The following TYW1B variants were observed in gnomAD, a reference collection of about 807,000 sequenced individuals.
TYW1B encodes tRNA-yW synthesizing protein 1 homolog B.
In TYW1B, 73 loss-of-function variants were observed where a neutral mutation model predicts 86.9. The ratio of observed to expected loss-of-function variants is 0.84; its 90% CI spans 0.70 to 1.02. TYW1B has a LOEUF of 1.02. TYW1B is among the 50% of genes least tolerant of loss of function. The pLI, the probability that TYW1B is intolerant of heterozygous loss-of-function variation, is 0.00. For missense variants in TYW1B, 637 were observed against 827.4 expected (o/e 0.77, Z 2.82); for synonymous variants, 248 against 292.8 (o/e 0.85, Z 1.56).
intron 7 of TYW1B, among the ~76,000 whole-genome samples, chr7:72,773,555 A>G (rs1234098098): frequency 1.3e-5 from 2 of 152,136 alleles, no homozygotes; most frequent in Non-Finnish European, 2.9e-5. Flanking sequence ...TGGGGAGACA[A>G]AGGTGGCTAC....
At position 72,731,840 on chromosome 7, in the gene TYW1B, G is replaced by A. The variant is rs183815489; in HGVS notation, c.1083-2909C>T. Among the ~76,000 whole-genome samples the A allele has an allele frequency of 2.7e-3, 411 of 152,244 alleles. 1 individual carries two copies. Among genetic ancestry groups the A allele is most frequent in the African/African-American group, 8.9e-3 (371 of 41,540 alleles). ...ACCTGTAATCCCAGCTACTTAGGAG[G>A]ATGAGGCAGGAGAATTGCTTGAACC... On this transcript the variant is annotated intron_variant, in intron 8 of 13. Coordinates refer to ENST00000620995, the MANE Select transcript of TYW1B (RefSeq NM_001145440.3).
chr7:72,751,140 C>T (rs921274836), intron 7 of TYW1B, among the ~76,000 whole-genome samples: 4 of 151,734 alleles, frequency 2.6e-5, no homozygotes, highest in Non-Finnish European at 5.9e-5. Flanking sequence ...TGGGTTCAAG[C>T]AATTCTCCTA....
chr7:72,667,821 T>C (rs1293285864), intron 11 of TYW1B, among the ~76,000 whole-genome samples: 1 of 152,216 alleles, frequency 6.6e-6, no homozygotes, highest in Admixed American at 6.5e-5. Context: ...CCTATACTCT[T>C]CAGGCAATCT....
chr7:72,729,066 G>C, intron 8 of TYW1B, 135 bp from the exon 9 acceptor site: 1 of 726,698 alleles, frequency 1.4e-6, no homozygotes, highest in South Asian at 1.9e-5. Context: ...ACCACGTATA[G>C]TGGTATTTTC....
At position 72,697,031 on chromosome 7, in the gene TYW1B, TAAAA is replaced by T. The variant is rs781801843; in HGVS notation, c.1371-2213_1371-2210del. On this transcript the variant is annotated intron_variant, in intron 10 of 13. Coordinates refer to ENST00000620995, the MANE Select transcript of TYW1B (RefSeq NM_001145440.3). ...ATGCTTCCTTAACTGGATTTCTACT[TAAAA>T]AAAAAAAAAAAAAAAAAAAAAAAAA... Among the ~76,000 whole-genome samples the T allele has an allele frequency of 3.4e-3, 474 of 137,620 alleles. 4 individuals carry two copies. The highest frequency in any genetic ancestry group is 0.012 in the African/African-American group (435 of 35,994). 90.3% of individuals were successfully genotyped at this position (137,620 alleles called of 152,430 possible). A position where few individuals can be genotyped will look rare whatever the true frequency, so the allele number is the denominator to read the frequency against.
chr7:72,676,054 T>C (rs1419025041), intron 11 of TYW1B, among the ~76,000 whole-genome samples: 2 of 152,190 alleles, frequency 1.3e-5, no homozygotes, highest in Non-Finnish European at 2.9e-5. Context: ...GAAACGGTTA[T>C]GGTTAACAAA....
intron 8 of TYW1B, among the ~76,000 whole-genome samples, chr7:72,733,456 A>T (rs1787147745): frequency 6.6e-6 from 1 of 152,100 alleles, no homozygotes; most frequent in Admixed American, 6.6e-5. Flanking sequence ...TCAGGAGATC[A>T]AGACCATCCT....
At chr7:72,636,884 T>C (rs1812679542) in intron 11 of TYW1B, among the ~76,000 whole-genome samples, 1 of 152,164 alleles carries the variant, frequency 6.6e-6, no homozygotes, top group Non-Finnish European at 1.5e-5. Context: ...TTGGTATAAA[T>C]ATTCTGAACT....
intron 13 of TYW1B, among the ~76,000 whole-genome samples, chr7:72,592,355 T>G (rs1233073856): frequency 2.6e-5 from 4 of 152,050 alleles, no homozygotes; most frequent in Non-Finnish European, 5.9e-5. Context: ...TTTAGAATGT[T>G]AAATGCAATG....
At chr7:72,730,296 G>A (rs1324667883) in intron 8 of TYW1B, among the ~76,000 whole-genome samples, 2 of 151,554 alleles carry the variant, frequency 1.3e-5, no homozygotes, top group East Asian at 3.9e-4. Context: ...AAACTCAAGA[G>A]AGATACAAGA....
At chr7:72,744,408 C>A in intron 8 of TYW1B, 76 bp downstream of exon 8, 1 of 1,410,898 alleles carries the variant, frequency 7.1e-7, no homozygotes, top group South Asian at 1.2e-5. Context: ...TTGGGTAAGT[C>A]TGAGTGTGAG....
chr7:72,700,077 AAC>A (rs1814425181), intron 10 of TYW1B, among the ~76,000 whole-genome samples: 1 of 151,774 alleles, frequency 6.6e-6, no homozygotes, highest in African/African-American at 2.4e-5. Context: ...AAAATTCTGA[AAC>A]ACTTTTGGGC....
At position 72,769,952 on chromosome 7, in the gene TYW1B, C is replaced by T. The variant is rs187600861; in HGVS notation, c.964+7464G>A. Among the ~76,000 whole-genome samples, 155 of 152,100 alleles carry T rather than the reference C, an allele frequency of 1.0e-3. 1 individual carries two copies. Among genetic ancestry groups the T allele is most frequent in the African/African-American group, 3.4e-3 (142 of 41,500 alleles). Reference sequence around the variant, plus strand: ...AAACTTAGCTGGGCGTGTTGGCACACGCTTGTAATCCCACTTACTCAGGAG... The same window carrying T: ...AAACTTAGCTGGGCGTGTTGGCACATGCTTGTAATCCCACTTACTCAGGAG... On this transcript the variant is annotated intron_variant, in intron 7 of 13. Coordinates refer to ENST00000620995, the MANE Select transcript of TYW1B (RefSeq NM_001145440.3).
chr7:72,616,634 T>A (rs782153497), intron 13 of TYW1B, 38 bp downstream of exon 13: 9 of 1,613,686 alleles, frequency 5.6e-6, no homozygotes, highest in Non-Finnish European at 6.8e-6. Flanking sequence ...AACAGCAGGG[T>A]CAGGGAACAG....
chr7:72,773,757 A>G (rs2129571956), intron 7 of TYW1B, among the ~76,000 whole-genome samples: 1 of 152,282 alleles, frequency 6.6e-6, no homozygotes, highest in East Asian at 1.9e-4. Flanking sequence ...ACTTGAAGAC[A>G]CAGTGATAGA....
At chr7:72,704,236 C>T (rs1269324025) in intron 10 of TYW1B, among the ~76,000 whole-genome samples, 2 of 151,846 alleles carry the variant, frequency 1.3e-5, no homozygotes, top group Non-Finnish European at 2.9e-5. Context: ...GCATTTGAGA[C>T]CAGCCTGGCT....
chr7:72,638,999 T>A (rs1419375755), intron 11 of TYW1B, among the ~76,000 whole-genome samples: 2 of 152,204 alleles, frequency 1.3e-5, no homozygotes, highest in Non-Finnish European at 2.9e-5. Flanking sequence ...ATGACCCACC[T>A]TCTTCCACAA....
intron 13 of TYW1B, among the ~76,000 whole-genome samples, chr7:72,576,509 C>CTTTTTTTT (rs11334473): frequency 8.3e-6 from 1 of 120,088 alleles, no homozygotes; most frequent in Non-Finnish European, 1.7e-5. Flanking sequence ...ATGCCACTGT[C>CTTTTTTTT]TTTTTTTTTT....
chr7:72,709,272 T>A (rs1301772415), intron 10 of TYW1B, among the ~76,000 whole-genome samples: 2 of 152,348 alleles, frequency 1.3e-5, no homozygotes, highest in South Asian at 4.1e-4. Context: ...TATTCTGTCT[T>A]GTTCCAGGGA....
Sources: gnomAD v4.1 joint callset for allele counts (sites outside exome capture counted in the v4.1 genomes callset) on GRCh38, gnomAD v4.1.1 for gene constraint, MANE v1.5 for transcripts, NCBI Gene and HGNC (gene_info 2026-07-23, HGNC 2026-07-21) for gene names.